The following KIAA1671 variants were observed in gnomAD, a reference collection of about 807,000 sequenced individuals.
The protein encoded by KIAA1671 is KIAA1671, also known as uncharacterized protein KIAA1671.
In KIAA1671, 52 loss-of-function variants were observed where a neutral mutation model predicts 131.2. The observed-to-expected ratio is 0.40, with a 90% CI of 0.32 to 0.50. The LOEUF is 0.50. KIAA1671 is among the 20% of genes least tolerant of loss of function. The pLI is 0.73. For missense variants in KIAA1671, 2,360 were observed against 2,364.2 expected (o/e 1.00, Z 0.04); for synonymous variants, 1,003 against 961.6 (o/e 1.04, Z -0.80).
intron 5 of KIAA1671, among the ~76,000 whole-genome samples, chr22:25,045,404 A>G (rs1927168303): frequency 6.6e-6 from 1 of 152,220 alleles, no homozygotes; most frequent in African/African-American, 2.4e-5. Flanking sequence ...ATGCTGCCCA[A>G]CATCCTACAA....
chr22:25,074,397 C>T (rs1050642564), intron 6 of KIAA1671, among the ~76,000 whole-genome samples: 31 of 143,904 alleles, frequency 2.2e-4, no homozygotes, highest in African/African-American at 5.2e-4. Context: ...CCCAGCTACT[C>T]GGGAGGCTGA....
chr22:25,189,126 CTTT>C (rs200226589), intron 11 of KIAA1671, among the ~76,000 whole-genome samples: 7 of 114,884 alleles, frequency 6.1e-5, no homozygotes, highest in African/African-American at 1.7e-4. Flanking sequence ...CAGTCTTTTT[CTTT>C]TTTTTTTTTT....
intron 6 of KIAA1671, among the ~76,000 whole-genome samples, chr22:25,135,710 T>C (rs1932646400): frequency 6.6e-6 from 1 of 152,236 alleles, no homozygotes; most frequent in Non-Finnish European, 1.5e-5. Context: ...CGTGGCTGTC[T>C]GGTGGGTGTC....
At chr22:25,000,211 T>TTTAAATGTAGCTTTC (rs1275472771) in intron 1 of KIAA1671, among the ~76,000 whole-genome samples, 2 of 73,776 alleles carry the variant, frequency 2.7e-5, no homozygotes, top group African/African-American at 9.4e-5. Context: ...TTTTTTTTTT[T>TTTAAATGTAGCTTTC]GAGACGGAGT....
intron 1 of KIAA1671, among the ~76,000 whole-genome samples, chr22:24,956,042 A>G (rs1343543936): frequency 2.6e-5 from 4 of 151,544 alleles, no homozygotes; most frequent in Non-Finnish European, 4.4e-5. Context: ...AAAAAAAAAA[A>G]GAAAAGAAAA....
chr22:25,188,573 T>G (rs553142989), intron 11 of KIAA1671, among the ~76,000 whole-genome samples: 30 of 152,098 alleles, frequency 2.0e-4, no homozygotes, highest in African/African-American at 7.2e-4. Flanking sequence ...GCATGTAGCT[T>G]TTGACTTTCT....
intron 1 of KIAA1671, among the ~76,000 whole-genome samples, chr22:24,956,516 G>T (rs925662342): frequency 6.6e-6 from 1 of 152,214 alleles, no homozygotes; most frequent in African/African-American, 2.4e-5. Context: ...GTGGGTTTCA[G>T]TTGGGTGTGG....
At chr22:25,020,959 A>C (rs1237111847) in intron 1 of KIAA1671, among the ~76,000 whole-genome samples, 1 of 152,202 alleles carries the variant, frequency 6.6e-6, no homozygotes, top group African/African-American at 2.4e-5. Context: ...GGCGTTAAGC[A>C]GGGGAATGAC....
At chr22:25,111,237 C>G (rs1931327053) in intron 6 of KIAA1671, among the ~76,000 whole-genome samples, 1 of 152,350 alleles carries the variant, frequency 6.6e-6, no homozygotes, top group Admixed American at 6.5e-5. Context: ...CACACACACA[C>G]AGAGTGCACA....
At position 25,039,810 on chromosome 22, in the gene KIAA1671, C is replaced by G; in HGVS notation, c.2680C>G (p.Pro894Ala). ...LDPLSRATNGPSDSQARTHPD... is the reference protein window; with the variant it reads ...LDPLSRATNGASDSQARTHPD... ...TCCTCTTTCCAGGGCTACGAATGGG[C>G]CTTCTGACTCCCAAGCACGAACACA... Residue 894 changes from proline to alanine, a missense_variant, in exon 5 of 13, where the codon CCT becomes GCT. By Grantham distance (27) the Pro-to-Ala change is conservative. Transcript: ENST00000358431. 1 of 1,525,534 alleles carries G rather than the reference C, an allele frequency of 6.6e-7. No homozygotes were observed. Among genetic ancestry groups the G allele is most frequent in the Non-Finnish European group, 8.8e-7 (1 of 1,132,118 alleles). The allele number at this position is 1,525,534 out of a possible 1,614,324, so 94.5% of individuals were successfully genotyped here. A position where few individuals can be genotyped will look rare whatever the true frequency, so the allele number is the denominator to read the frequency against.
At chr22:25,025,347 T>G (rs1925888198) in intron 1 of KIAA1671, among the ~76,000 whole-genome samples, 1 of 152,266 alleles carries the variant, frequency 6.6e-6, no homozygotes, top group Admixed American at 6.5e-5. Flanking sequence ...GACTGTGAGT[T>G]GCATGGTTGC....
chr22:25,187,260 G>A (rs1002971707), intron 11 of KIAA1671, among the ~76,000 whole-genome samples: 1 of 152,198 alleles, frequency 6.6e-6, no homozygotes, highest in Non-Finnish European at 1.5e-5. Flanking sequence ...AGCAGTGACT[G>A]TAGAAAATAC....
chr22:25,050,876 G>C (rs1201044487), intron 6 of KIAA1671: 1 of 152,232 alleles, frequency 6.6e-6, no homozygotes, highest in Non-Finnish European at 1.5e-5. Flanking sequence ...AGATAGCTCT[G>C]ACTTAGCTTA....
intron 4 of KIAA1671, among the ~76,000 whole-genome samples, chr22:25,036,941 A>T (rs1926635375): frequency 6.6e-6 from 1 of 151,874 alleles, no homozygotes; most frequent in African/African-American, 2.4e-5. Flanking sequence ...TAAAAATAAA[A>T]AATAAAAAAA....
At chr22:24,994,571 C>CTG (rs1464810259) in intron 1 of KIAA1671, among the ~76,000 whole-genome samples, 1 of 152,156 alleles carries the variant, frequency 6.6e-6, no homozygotes, top group East Asian at 1.9e-4. Flanking sequence ...CCCAGGCACC[C>CTG]TGTGGTGCCT....
At chr22:25,093,838 GTCTCTCTCTCTCTCTCTC>G (rs56200570) in intron 6 of KIAA1671, among the ~76,000 whole-genome samples, 3,221 of 19,592 alleles carry the variant, frequency 0.16, 231 homozygotes, top group Non-Finnish European at 0.21. Context: ...CTCTCTGTCT[GTCTCTCTCTCTCTCTCTC>G]TCTCTCTCTC....
chr22:25,189,034 C>T (rs1402199837), intron 11 of KIAA1671, among the ~76,000 whole-genome samples: 2 of 151,478 alleles, frequency 1.3e-5, no homozygotes, highest in Admixed American at 6.6e-5. Flanking sequence ...AGGCAAGTCC[C>T]AAATCTGCAG....
Position 25,028,308 on chromosome 22 carries a change from A to G in KIAA1671, c.309A>G (p.Ala103=). 1 of 1,551,154 alleles carries G rather than the reference A, an allele frequency of 6.4e-7. No homozygotes were observed. Among genetic ancestry groups the G allele is most frequent in the Non-Finnish European group, 8.7e-7 (1 of 1,147,002 alleles). Residue 103 remains alanine, a synonymous_variant, in exon 3 of 13, where the codon GCA becomes GCG. Coordinates refer to ENST00000358431, the MANE Select transcript of KIAA1671 (RefSeq NM_001145206.2). ...GGGGGCTCTCTGAGGAGCCAGCAGCAAAGGATCTGGACAACAGGATGCCCG... is the reference window on the plus strand; with the variant it reads ...GGGGGCTCTCTGAGGAGCCAGCAGCGAAGGATCTGGACAACAGGATGCCCG... ...PSGGLSEEPA[A]KDLDNRMPGL...
intron 6 of KIAA1671, among the ~76,000 whole-genome samples, chr22:25,087,890 C>T (rs1014425204): frequency 1.3e-5 from 2 of 152,126 alleles, no homozygotes; most frequent in East Asian, 1.9e-4. Flanking sequence ...GGGGAATGGG[C>T]GCCCCAGCCA....
Sources: gnomAD v4.1 joint callset for allele counts (sites outside exome capture counted in the v4.1 genomes callset) on GRCh38, gnomAD v4.1.1 for gene constraint, MANE v1.5 for transcripts, NCBI Gene and HGNC (gene_info 2026-07-23, HGNC 2026-07-21) for gene names.